The following CLASP2 variants were observed in gnomAD, a reference collection of about 807,000 sequenced individuals.
CLASP2 encodes CLIP-associating protein 2.
In CLASP2, 47 loss-of-function variants were observed where a neutral mutation model predicts 194.4. That is an observed-to-expected ratio of 0.24 (90% CI 0.19 to 0.31). The LOEUF (loss-of-function observed/expected upper bound fraction) is 0.31. Among genes scored for constraint, CLASP2 ranks in the 10% least tolerant of loss-of-function variants. CLASP2 has a pLI of 1.00. For missense variants in CLASP2, 1,445 were observed against 1,823.6 expected, an observed-to-expected ratio of 0.79 and a Z score of 3.78; for synonymous variants, 619 against 633.5, an observed-to-expected ratio of 0.98 and a Z score of 0.34.
Position 33,581,160 on chromosome 3 carries a change from C to A in CLASP2, c.2347+661G>T, listed in dbSNP as rs186824965. On this transcript the variant is annotated intron_variant, in intron 23 of 38. Coordinates refer to ENST00000682230, the MANE Select transcript of CLASP2 (RefSeq NM_001365631.1). Reference sequence around the variant, plus strand: ...ATTCTAAAGATTCTCAATGTACATACAAAACTGTACCTCTCCAGTTATCCT... The same window carrying A: ...ATTCTAAAGATTCTCAATGTACATAAAAAACTGTACCTCTCCAGTTATCCT... Among the ~76,000 whole-genome samples, 4 of 151,712 alleles carry A rather than the reference C, an allele frequency of 2.6e-5. No homozygotes were observed. In the East Asian group the frequency reaches 7.8e-4, roughly 29 times the overall value.
In CLASP2 at chr3:33,571,256, G is replaced by T. The variant is rs1443267191; in HGVS notation, c.2700-466C>A. On this transcript the variant is annotated intron_variant, in intron 25 of 38. Coordinates refer to ENST00000682230, the MANE Select transcript of CLASP2 (RefSeq NM_001365631.1). ...TCTCGATCTCCTGACCTCATGATCC[G>T]CCCGCCTCAGCCTCCCAAAGTGCTG... Among the ~76,000 whole-genome samples, 4 of 146,694 alleles carry T rather than the reference G, an allele frequency of 2.7e-5. No individual in the cohort carries two copies. In the Admixed American group the frequency reaches 2.7e-4, roughly 10 times the overall value.
chr3:33,546,161 G>A (rs1377384816), intron 30 of CLASP2, among the ~76,000 whole-genome samples: 1 of 152,072 alleles, frequency 6.6e-6, no homozygotes, highest in Non-Finnish European at 1.5e-5. Context: ...GTTTACTTTG[G>A]TTTGGAGATT....
intron 1 of CLASP2, among the ~76,000 whole-genome samples, chr3:33,715,340 A>C (rs1294090646): frequency 6.6e-6 from 1 of 152,206 alleles, no homozygotes; most frequent in African/African-American, 2.4e-5. Context: ...GTCTTTAACG[A>C]CCAACTATTT....
At chr3:33,664,778 A>G (rs1330995764) in intron 6 of CLASP2, among the ~76,000 whole-genome samples, 2 of 152,138 alleles carry the variant, frequency 1.3e-5, no homozygotes, top group African/African-American at 4.8e-5. Context: ...CATAAGATAG[A>G]AGGAAGCATT....
chr3:33,673,297 T>G (rs9853898), intron 6 of CLASP2, among the ~76,000 whole-genome samples: 4,374 of 152,154 alleles, frequency 0.029, 190 homozygotes, highest in African/African-American at 0.099. Flanking sequence ...TCAACATTCT[T>G]AAAGAAAAGA....
At chr3:33,598,142 T>C (rs116540306) in intron 18 of CLASP2, among the ~76,000 whole-genome samples, 2,657 of 151,772 alleles carry the variant, frequency 0.018, 70 homozygotes, top group African/African-American at 0.061. Context: ...TCTAGACTCC[T>C]TCAGACTATC....
chr3:33,517,175 CTGTCAAAAGGACA>C lies in CLASP2; in HGVS notation c.3788-14_3788-2del. The stretch of plus-strand genomic sequence containing the variant: ...AGGTCAGAATGATCTAGGGAAAGAT[CTGTCAAAAGGACA>C]TGGTATTAGTTCTATAACTTTATAG... On this transcript the variant is annotated splice_acceptor_variant and splice_polypyrimidine_tract_variant and intron_variant, in intron 34 of 38. Coordinates refer to ENST00000682230, the MANE Select transcript of CLASP2 (RefSeq NM_001365631.1). LOFTEE classifies it high-confidence loss of function. The C allele has an allele frequency of 1.2e-6, 2 of 1,608,888 alleles. No homozygotes were observed. The highest frequency in any genetic ancestry group is 1.7e-6 in the Non-Finnish European group (2 of 1,178,332).
chr3:33,715,670 C>G (rs2125449965), intron 1 of CLASP2, among the ~76,000 whole-genome samples: 1 of 152,138 alleles, frequency 6.6e-6, no homozygotes, highest in Admixed American at 6.5e-5. Flanking sequence ...AGGAGGCACT[C>G]AAATTTACTA....
intron 2 of CLASP2, among the ~76,000 whole-genome samples, chr3:33,695,726 G>C (rs770063568): frequency 6.6e-6 from 1 of 152,072 alleles, no homozygotes; most frequent in Non-Finnish European, 1.5e-5. Flanking sequence ...GACTGCTTGA[G>C]CCCAGGAATT....
chr3:33,526,778 C>T (rs769622554), intron 34 of CLASP2, among the ~76,000 whole-genome samples: 20 of 152,124 alleles, frequency 1.3e-4, no homozygotes, highest in Non-Finnish European at 2.1e-4. Context: ...ATACCAGACA[C>T]AAGCTTGGAC....
chr3:33,586,855 C>T (rs902196398), intron 21 of CLASP2, among the ~76,000 whole-genome samples: 6 of 151,892 alleles, frequency 4.0e-5, no homozygotes, highest in Admixed American at 1.3e-4. Flanking sequence ...GGGACAAGCA[C>T]AGGATGTCAA....
chr3:33,564,956 A>G (rs141910358), intron 27 of CLASP2, among the ~76,000 whole-genome samples: 1 of 152,244 alleles, frequency 6.6e-6, no homozygotes, highest in African/African-American at 2.4e-5. Context: ...ATATGCACAC[A>G]CACACACAGC....
intron 33 of CLASP2, among the ~76,000 whole-genome samples, chr3:33,535,910 C>G (rs1387533673): frequency 6.8e-6 from 1 of 146,462 alleles, no homozygotes. Context: ...TTTAAAAAGG[C>G]TTGCTTTAAG....
intron 21 of CLASP2, among the ~76,000 whole-genome samples, chr3:33,587,805 G>A (rs542184833): frequency 6.6e-6 from 1 of 152,106 alleles, no homozygotes; most frequent in Non-Finnish European, 1.5e-5. Context: ...CACCCAACAT[G>A]CCACAACTCA....
At chr3:33,700,172 C>G (rs996629721) in intron 1 of CLASP2, among the ~76,000 whole-genome samples, 2 of 152,136 alleles carry the variant, frequency 1.3e-5, no homozygotes, top group South Asian at 2.1e-4. Context: ...GTGGCTCATG[C>G]CTGTAACCCC....
intron 8 of CLASP2, among the ~76,000 whole-genome samples, chr3:33,632,913 A>C (rs1263608361): frequency 2.0e-5 from 3 of 151,986 alleles, no homozygotes; most frequent in Non-Finnish European, 4.4e-5. Context: ...TTCTAAACCT[A>C]CTCTTCTATA....
chr3:33,717,573 C>T (rs2093356204), intron 1 of CLASP2, among the ~76,000 whole-genome samples: 1 of 152,092 alleles, frequency 6.6e-6, no homozygotes, highest in Non-Finnish European at 1.5e-5. Context: ...ATTACAGGCG[C>T]CCGCCACCAC....
chr3:33,532,363 G>C (rs948724311), intron 34 of CLASP2, among the ~76,000 whole-genome samples: 30 of 152,194 alleles, frequency 2.0e-4, no homozygotes, highest in African/African-American at 7.2e-4. Context: ...CCAGGGGCTG[G>C]AGTGGGGGTG....
chr3:33,659,166 A>G, intron 7 of CLASP2: 1 of 1,384,554 alleles, frequency 7.2e-7, no homozygotes, highest in Non-Finnish European at 9.3e-7. Flanking sequence ...CTCCACTTCA[A>G]AATAAAAGTC....
Sources: gnomAD v4.1 joint callset for allele counts (sites outside exome capture counted in the v4.1 genomes callset) on GRCh38, gnomAD v4.1.1 for gene constraint, MANE v1.5 for transcripts, NCBI Gene and HGNC (gene_info 2026-07-23, HGNC 2026-07-21) for gene names.